The following OPRM1 variants were observed in gnomAD, a reference collection of about 807,000 sequenced individuals.
OPRM1 encodes mu-type opioid receptor.
A neutral mutation model predicts 31.8 loss-of-function variants in OPRM1; 27 were observed. The ratio of observed to expected loss-of-function variants is 0.85; its 90% CI spans 0.63 to 1.17. The LOEUF (loss-of-function observed/expected upper bound fraction) is 1.17, where lower values mean the gene tolerates loss of function less well. OPRM1 is among the 50% of genes most tolerant of loss of function. The pLI, the probability that OPRM1 is intolerant of heterozygous loss-of-function variation, is 0.00. For missense variants in OPRM1, 536 were observed against 511.1 expected (o/e 1.05, Z -0.47); for synonymous variants, 196 against 189.9 (o/e 1.03, Z -0.26).
intron 3 of OPRM1, among the ~76,000 whole-genome samples, chr6:154,105,629 G>A (rs1408995280): frequency 6.6e-6 from 1 of 152,162 alleles, no homozygotes; most frequent in Non-Finnish European, 1.5e-5. Flanking sequence ...AATTGATAAG[G>A]AAATTTGCTT....
intron 3 of OPRM1, among the ~76,000 whole-genome samples, chr6:154,161,657 G>A (rs780211743): frequency 2.0e-5 from 3 of 152,196 alleles, no homozygotes; most frequent in Non-Finnish European, 2.9e-5. Context: ...AGAACTTACC[G>A]AGGTACATTT....
chr6:154,068,952 A>G (rs772195292), intron 1 of OPRM1, among the ~76,000 whole-genome samples: 4 of 152,110 alleles, frequency 2.6e-5, no homozygotes, highest in African/African-American at 9.7e-5. Context: ...TTCCCTGATG[A>G]TTACTGATGT....
At chr6:154,224,691 A>G (rs1779118619) in intron 3 of OPRM1, among the ~76,000 whole-genome samples, 1 of 152,174 alleles carries the variant, frequency 6.6e-6, no homozygotes, top group Non-Finnish European at 1.5e-5. Context: ...AGTCTGGACA[A>G]CAGAGTGGGA....
chr6:154,218,890 A>G (rs1683757159), intron 3 of OPRM1, among the ~76,000 whole-genome samples: 1 of 152,226 alleles, frequency 6.6e-6, no homozygotes, highest in South Asian at 2.1e-4. Context: ...TGTAAGCTGG[A>G]AAGATAACCC....
At position 154,211,470 on chromosome 6, in the gene OPRM1, T is replaced by G. The variant is rs578167048; in HGVS notation, c.1165-35223T>G. ...CCTATAAAGCTAAACAGACTGGGAT[T>G]CCCATCTCAGGCACTCACTGGACAC... On this transcript the variant is annotated intron_variant, in intron 3 of 3. Transcript: ENST00000337049. Among the ~76,000 whole-genome samples the G allele has an allele frequency of 2.0e-5, 3 of 151,782 alleles. No homozygotes were observed. In the East Asian group the frequency reaches 5.8e-4, roughly 29 times the overall value.
At chr6:154,216,734 G>A (rs1273478666) in intron 3 of OPRM1, among the ~76,000 whole-genome samples, 2 of 152,148 alleles carry the variant, frequency 1.3e-5, no homozygotes, top group Admixed American at 1.3e-4. Context: ...CAGGCGTGGT[G>A]GCACACGCCT....
chr6:154,209,753 A>G (rs1046929301), intron 3 of OPRM1, among the ~76,000 whole-genome samples: 9 of 152,110 alleles, frequency 5.9e-5, no homozygotes, highest in African/African-American at 2.2e-4. Flanking sequence ...TTTCAGAAAG[A>G]GAAGAAAACA....
chr6:154,241,371 A>G (rs1012676334), intron 3 of OPRM1, among the ~76,000 whole-genome samples: 1 of 152,160 alleles, frequency 6.6e-6, no homozygotes, highest in African/African-American at 2.4e-5. Context: ...AATGAAAACT[A>G]AAAAACACAA....
chr6:154,177,219 T>G (rs1227179759), intron 3 of OPRM1, among the ~76,000 whole-genome samples: 1 of 152,184 alleles, frequency 6.6e-6, no homozygotes, highest in Non-Finnish European at 1.5e-5. Flanking sequence ...GTTCAGGACA[T>G]AGGCATGGGC....
intron 3 of OPRM1, among the ~76,000 whole-genome samples, chr6:154,141,226 G>A (rs1798198688): frequency 6.6e-6 from 1 of 152,198 alleles, no homozygotes; most frequent in African/African-American, 2.4e-5. Flanking sequence ...CTCAGTACAT[G>A]GGCAGCGCGT....
At chr6:154,163,460 A>G (rs1799185943) in intron 3 of OPRM1, among the ~76,000 whole-genome samples, 1 of 152,128 alleles carries the variant, frequency 6.6e-6, no homozygotes, top group Non-Finnish European at 1.5e-5. Flanking sequence ...AACATGTTCT[A>G]TCCCCTTTTC....
At chr6:154,016,446 T>C (rs1220206481) in intron 1 of OPRM1, among the ~76,000 whole-genome samples, 4 of 152,114 alleles carry the variant, frequency 2.6e-5, no homozygotes, top group Admixed American at 1.3e-4. Context: ...TTAATACATA[T>C]ACATATCTGT....
At chr6:154,066,505 A>G (rs934289292) in intron 1 of OPRM1, among the ~76,000 whole-genome samples, 1 of 151,912 alleles carries the variant, frequency 6.6e-6, no homozygotes, top group African/African-American at 2.4e-5. Context: ...GAATTGAATT[A>G]TGCACCCTCC....
chr6:154,114,900 G>A (rs2128521236), intron 3 of OPRM1, among the ~76,000 whole-genome samples: 1 of 150,072 alleles, frequency 6.7e-6, no homozygotes, highest in African/African-American at 2.5e-5. Flanking sequence ...CAAAAAACTT[G>A]AAGAGAACCA....
intron 1 of OPRM1, among the ~76,000 whole-genome samples, chr6:154,057,363 C>T (rs1169807386): frequency 6.6e-6 from 1 of 152,120 alleles, no homozygotes; most frequent in Non-Finnish European, 1.5e-5. Context: ...ACAATTTTAC[C>T]AGTTAATAAA....
At chr6:154,045,499 C>T (rs1780940689) in intron 1 of OPRM1, among the ~76,000 whole-genome samples, 1 of 152,220 alleles carries the variant, frequency 6.6e-6, no homozygotes, top group African/African-American at 2.4e-5. Context: ...GCTCACCTTG[C>T]ACCCCCATGC....
At chr6:154,094,657 G>A (rs1262394950) in intron 3 of OPRM1, among the ~76,000 whole-genome samples, 1 of 152,154 alleles carries the variant, frequency 6.6e-6, no homozygotes, top group Non-Finnish European at 1.5e-5. Flanking sequence ...TCTCATGGTG[G>A]TCACAGATTC....
chr6:154,032,918 G>A (rs989260278), intron 1 of OPRM1, among the ~76,000 whole-genome samples: 3 of 152,208 alleles, frequency 2.0e-5, no homozygotes, highest in East Asian at 1.9e-4. Flanking sequence ...AAGTGGAAAT[G>A]TCTACCAAAC....
intron 3 of OPRM1, chr6:154,199,713 G>A (rs762047631): frequency 6.2e-7 from 1 of 1,613,818 alleles, no homozygotes; most frequent in African/African-American, 1.3e-5. Context: ...GGGACAGTAA[G>A]ATGGTCATGA....
Sources: allele counts gnomAD v4.1 joint callset (sites outside exome capture counted in the v4.1 genomes callset), GRCh38; gene constraint gnomAD v4.1.1; transcripts MANE v1.5; gene names NCBI Gene and HGNC (gene_info 2026-07-23, HGNC 2026-07-21).